Variants in BCL6 observed in about 807,000 individuals in gnomAD.
The protein encoded by BCL6 is B-cell lymphoma 6 protein.
In BCL6, 7 loss-of-function variants were observed where a neutral mutation model predicts 59.5. The ratio of observed to expected loss-of-function variants is 0.12; its 90% CI spans 0.07 to 0.22. BCL6 has a LOEUF of 0.22. Among genes scored for constraint, BCL6 ranks in the 10% least tolerant of loss-of-function variants. The pLI is 1.00. For missense variants in BCL6, 685 were observed against 939.4 expected, an observed-to-expected ratio of 0.73 and a Z score of 3.54; for synonymous variants, 339 against 349.7, an observed-to-expected ratio of 0.97 and a Z score of 0.34.
intron 1 of BCL6, among the ~76,000 whole-genome samples, chr3:187,742,112 A>C (rs549624383): frequency 6.6e-6 from 1 of 152,002 alleles, no homozygotes; most frequent in African/African-American, 2.4e-5. Flanking sequence ...TTTTTTTTAA[A>C]TCTCTGGGGG....
chr3:187,743,581 TA>T, intron 1 of BCL6, among the ~76,000 whole-genome samples: 1 of 152,262 alleles, frequency 6.6e-6, no homozygotes, highest in Middle Eastern at 3.4e-3. Context: ...GGGGGAGCTT[TA>T]AAACTCATTA....
At chr3:187,745,259 T>C (rs1711892141) in intron 1 of BCL6, among the ~76,000 whole-genome samples, 151 bp downstream of exon 1, 1 of 151,814 alleles carries the variant, frequency 6.6e-6, no homozygotes. Flanking sequence ...CATAGAAAAC[T>C]TGGAGCCAAA....
At chr3:187,744,300 C>G (rs568975043) in intron 1 of BCL6, among the ~76,000 whole-genome samples, 2 of 152,280 alleles carry the variant, frequency 1.3e-5, no homozygotes, top group African/African-American at 4.8e-5. Flanking sequence ...AAAGGCATCG[C>G]AGGTGCAGTG....
At chr3:187,744,236 T>G (rs573836616) in intron 1 of BCL6, among the ~76,000 whole-genome samples, 4 of 152,162 alleles carry the variant, frequency 2.6e-5, no homozygotes, top group Non-Finnish European at 4.4e-5. Context: ...CCCGCCACCT[T>G]TCTCGTTCTC....
intron 1 of BCL6, among the ~76,000 whole-genome samples, chr3:187,740,083 C>T (rs1711534045): frequency 6.6e-6 from 1 of 152,158 alleles, no homozygotes; most frequent in Non-Finnish European, 1.5e-5. Flanking sequence ...GCGCTGTCTC[C>T]CCCTGCAGAG....
intron 1 of BCL6, among the ~76,000 whole-genome samples, chr3:187,745,123 T>C (rs572825794): frequency 5.3e-5 from 8 of 151,716 alleles, no homozygotes; most frequent in African/African-American, 9.7e-5. Flanking sequence ...AAGACAACAA[T>C]AATAATAATA....
Position 187,725,173 on chromosome 3 carries a change from T to A in BCL6, c.1840-95A>T. 6.5e-7 allele frequency: 1 copy of A among 1,536,512 alleles called. No homozygotes were observed. The highest frequency in any genetic ancestry group is 1.2e-5 in the South Asian group (1 of 84,994). Reference sequence around the variant, plus strand: ...CACACAGCCAGTGAGTGGGCCTTTCTCCAGGCCACTCTGCTCACCTGCACA... The same window carrying A: ...CACACAGCCAGTGAGTGGGCCTTTCACCAGGCCACTCTGCTCACCTGCACA... On this transcript the variant is annotated intron_variant, in intron 8 of 9. Transcript: ENST00000406870. The surrounding 1 kb of genome is among the most constrained non-coding windows in gnomAD (Gnocchi z 4.7).
At chr3:187,742,177 A>G (rs1711626187) in intron 1 of BCL6, among the ~76,000 whole-genome samples, 1 of 152,270 alleles carries the variant, frequency 6.6e-6, no homozygotes, top group East Asian at 1.9e-4. Context: ...ACTTTTGCCA[A>G]TAGTTTCACC....
intron 1 of BCL6, among the ~76,000 whole-genome samples, chr3:187,742,611 C>T (rs1711648167): frequency 6.9e-6 from 1 of 144,608 alleles, no homozygotes; most frequent in African/African-American, 2.5e-5. Context: ...GAAAGTCTTC[C>T]AAATAGGATA....
rs764890174 is a variant in BCL6 at position 187,728,539 on chromosome 3, A to G, written c.1361T>C (p.Met454Thr). The change falls in exon 6 of 10, where the codon ATG becomes ACG. Residue 454 changes from methionine (M) to threonine (T), a missense_variant. Physicochemically the swap from Met to Thr is moderately conservative, Grantham distance 81. Around this residue, in one of 7 missense-constraint regions of BCL6, gnomAD observed 207 missense variants for 213.7 expected, o/e 0.97. Transcript: ENST00000406870. ...GCTGCTGCTGCGGGGAGAGCCCGTCATGGACCTATGGACAGGAGTAAAAAC... is the reference window on the plus strand; with the variant it reads ...GCTGCTGCTGCGGGGAGAGCCCGTCGTGGACCTATGGACAGGAGTAAAAAC... Reference protein sequence around the residue: ...SRLNNIVNRSMTGSPRSSSES... With the variant: ...SRLNNIVNRSTTGSPRSSSES... 2 of 1,600,708 alleles carry G rather than the reference A, an allele frequency of 1.2e-6. No homozygotes were observed. Among genetic ancestry groups the G allele is most frequent in the South Asian group, 1.1e-5 (1 of 89,728 alleles).
intron 1 of BCL6, among the ~76,000 whole-genome samples, chr3:187,743,328 G>C (rs1200131875): frequency 6.6e-6 from 1 of 151,602 alleles, no homozygotes; most frequent in East Asian, 1.9e-4. Flanking sequence ...GGCGGGTTGT[G>C]GGGTGGCGGG....
intron 4 of BCL6, among the ~76,000 whole-genome samples, chr3:187,731,192 C>T (rs1719022219): frequency 6.6e-6 from 1 of 152,178 alleles, no homozygotes; most frequent in East Asian, 1.9e-4. Context: ...GTAGGAGCAG[C>T]GTGACATAAA....
intron 1 of BCL6, among the ~76,000 whole-genome samples, chr3:187,744,897 C>T (rs537965536): frequency 6.6e-5 from 10 of 152,222 alleles, no homozygotes; most frequent in East Asian, 3.9e-4. Flanking sequence ...ACGCAAGCAG[C>T]AGCAGAAAGA....
At chr3:187,744,803 A>G (rs1711822499) in intron 1 of BCL6, among the ~76,000 whole-genome samples, 1 of 144,854 alleles carries the variant, frequency 6.9e-6, no homozygotes, top group African/African-American at 2.4e-5. Flanking sequence ...GGAGGCCAGG[A>G]GCGACGGAGC....
In BCL6 at chr3:187,726,756, G is replaced by A. The variant is rs780876409; in HGVS notation, c.1683C>T (p.Leu561=). The part of the protein sequence containing the change: ...CQASFRYKGN[L]ASHKTVHTGE... The stretch of plus-strand genomic sequence containing the variant: ...CGGTATGGACGGTCTTGTGGCTGGC[G>A]AGGTTGCCCTTGTAGCGGAAGGAGG... Residue 561 remains leucine, a synonymous_variant, in exon 7 of 10, where the codon CTC becomes CTT. Coordinates refer to ENST00000406870, the MANE Select transcript of BCL6 (RefSeq NM_001706.5). The A allele has an allele frequency of 1.2e-5, 20 of 1,613,916 alleles. No homozygotes were observed. Among genetic ancestry groups the A allele is most frequent in the African/African-American group, 6.7e-5 (5 of 74,920 alleles).
chr3:187,726,963 G>A (rs1560148459), intron 6 of BCL6, 65 bp from the exon 7 acceptor site: 19 of 1,557,102 alleles, frequency 1.2e-5, no homozygotes, highest in Middle Eastern at 1.7e-4. Flanking sequence ...CTCTAAGGCC[G>A]CTCTCCTCTG....
chr3:187,734,112 C>T (rs551447273), intron 2 of BCL6, among the ~76,000 whole-genome samples: 6 of 11,412 alleles, frequency 5.3e-4, no homozygotes, highest in Non-Finnish European at 9.0e-4. Flanking sequence ...GCAATCTCAG[C>T]TCACTGCAAG....
chr3:187,743,634 C>G (rs1482480250), intron 1 of BCL6, among the ~76,000 whole-genome samples: 2 of 152,222 alleles, frequency 1.3e-5, no homozygotes, highest in Admixed American at 1.3e-4. Flanking sequence ...TCCAATAACA[C>G]GGCATCATAA....
intron 1 of BCL6, among the ~76,000 whole-genome samples, chr3:187,744,202 A>G (rs1711757233): frequency 6.6e-6 from 1 of 152,286 alleles, no homozygotes; most frequent in Admixed American, 6.5e-5. Context: ...CGCCCAAAAT[A>G]CAAACACCGC....
Sources: gnomAD v4.1 joint callset for allele counts (sites outside exome capture counted in the v4.1 genomes callset) on GRCh38, gnomAD v4.1.1 for gene constraint, gnomAD v4.1.1 regional missense constraint, Gnocchi (gnomAD v3.1) non-coding constraint, MANE v1.5 for transcripts, NCBI Gene and HGNC (gene_info 2026-07-23, HGNC 2026-07-21) for gene names.